The following BSPH1 variants were observed in gnomAD, a reference collection of about 807,000 sequenced individuals.
BSPH1 encodes the protein binder of sperm protein homolog 1, also known as binder of sperm 1.
A neutral mutation model predicts 22.5 loss-of-function variants in BSPH1; 21 were observed. The ratio of observed to expected loss-of-function variants is 0.93; its 90% CI spans 0.66 to 1.35. The LOEUF (loss-of-function observed/expected upper bound fraction) is 1.35, where lower values mean the gene tolerates loss of function less well. BSPH1 is among the 40% of genes most tolerant of loss of function. The probability of loss-of-function intolerance (pLI) is 0.00; values close to 1 mark genes in which losing one functional copy is unlikely to be tolerated. For synonymous variants in BSPH1, 42 were observed against 53.6 expected, an observed-to-expected ratio of 0.78 and a Z score of 0.95; for missense variants, 141 against 154.2, an observed-to-expected ratio of 0.91 and a Z score of 0.45.
intron 5 of BSPH1, among the ~76,000 whole-genome samples, chr19:47,971,468 A>G (rs58880164): frequency 0.099 from 15,130 of 152,228 alleles, 915 homozygotes; most frequent in East Asian, 0.28. Flanking sequence ...GGCCTCCCAA[A>G]GTGCTGGGAT....
intron 1 of BSPH1, among the ~76,000 whole-genome samples, chr19:47,984,975 G>A (rs1325689838): frequency 1.3e-5 from 2 of 151,010 alleles, no homozygotes; most frequent in African/African-American, 4.9e-5. Flanking sequence ...GCTGAGGCAG[G>A]AGAATCGCTT....
intron 5 of BSPH1, among the ~76,000 whole-genome samples, chr19:47,969,240 A>G (rs1191942789): frequency 6.6e-6 from 1 of 151,796 alleles, no homozygotes; most frequent in Non-Finnish European, 1.5e-5. Flanking sequence ...GTAAAAACAG[A>G]CTCTTAGGTT....
chr19:47,989,931 C>T (rs1464883669), intron 1 of BSPH1, among the ~76,000 whole-genome samples: 5 of 151,828 alleles, frequency 3.3e-5, no homozygotes, highest in African/African-American at 1.2e-4. Flanking sequence ...CCAGCCTGGC[C>T]AACATGGTGG....
chr19:47,986,613 C>T (rs948887572), intron 1 of BSPH1, among the ~76,000 whole-genome samples: 8 of 151,850 alleles, frequency 5.3e-5, no homozygotes, highest in African/African-American at 1.5e-4. Context: ...GGCATGGTGG[C>T]GTGCACCTGT....
chr19:47,978,817 G>A (rs916283877), intron 3 of BSPH1, among the ~76,000 whole-genome samples: 7 of 152,122 alleles, frequency 4.6e-5, no homozygotes, highest in African/African-American at 9.7e-5. Flanking sequence ...AAACAATTTT[G>A]TTCCTTTTAC....
chr19:47,977,454 A>C lies in BSPH1; in HGVS notation c.175T>G (p.Cys59Gly). The change falls in exon 4 of 6, where the codon TGC (cysteine) becomes GGC (glycine). Residue 59 changes from cysteine to glycine, a missense_variant. Coordinates refer to ENST00000344839, the MANE Select transcript of BSPH1 (RefSeq NM_001128326.2). ...TTGTGTCTTGCCTTGGACTTGATGC[A>C]GTCATAATATGTTCCATTTTTATAG... ...FHYKNGTYYD[C>G]IKSKARHKWC... 1.9e-6 allele frequency: 3 copies of C among 1,551,986 alleles called. No individual in the cohort carries two copies. Among genetic ancestry groups the C allele is most frequent in the Non-Finnish European group, 2.6e-6 (3 of 1,147,060 alleles).
chr19:47,977,302 T>G (rs1402548486), intron 4 of BSPH1, 71 bp downstream of exon 4: 2 of 1,163,136 alleles, frequency 1.7e-6, no homozygotes, highest in African/African-American at 3.1e-5. Context: ...AACCCTCTTG[T>G]GTTTTGCCTC....
At chr19:47,976,036 C>T (rs1969359745) in intron 5 of BSPH1, among the ~76,000 whole-genome samples, 2 of 152,306 alleles carry the variant, frequency 1.3e-5, no homozygotes, top group South Asian at 4.1e-4. Context: ...ATAAAAATTT[C>T]CATGTACACA....
chr19:47,979,148 TTCC>T (rs752475796), intron 3 of BSPH1, among the ~76,000 whole-genome samples: 7 of 152,056 alleles, frequency 4.6e-5, no homozygotes, highest in Admixed American at 1.3e-4. Flanking sequence ...CTTCTTCTTC[TTCC>T]TCTTCTTCTT....
intron 1 of BSPH1, among the ~76,000 whole-genome samples, chr19:47,983,569 C>T (rs1477238175): frequency 1.3e-5 from 2 of 152,108 alleles, no homozygotes; most frequent in African/African-American, 2.4e-5. Context: ...GCACCATCCT[C>T]GGTGCTATAA....
Position 47,979,560 on chromosome 19 carries a change from A to T in BSPH1, c.124+10T>A. ...ATACATTAATAATCAAAGTTTTCTG[A>T]TCGACTTACCTGTAACTTCTGGAAA... On this transcript the variant is annotated intron_variant, in intron 3 of 5. Transcript: ENST00000344839. 1 of 1,302,904 alleles carries T rather than the reference A, an allele frequency of 7.7e-7. No individual in the cohort carries two copies. The highest frequency in any genetic ancestry group is 1.0e-6 in the Non-Finnish European group (1 of 957,794). 80.7% of individuals were successfully genotyped at this position (1,302,904 alleles called of 1,614,324 possible).
intron 1 of BSPH1, among the ~76,000 whole-genome samples, chr19:47,986,158 T>C (rs1006641414): frequency 4.6e-5 from 7 of 152,170 alleles, no homozygotes; most frequent in Admixed American, 6.5e-5. Flanking sequence ...AGTCCTACGA[T>C]CCTAACTTGG....
chr19:47,969,630 C>G (rs1006367579), intron 5 of BSPH1, among the ~76,000 whole-genome samples: 13 of 145,976 alleles, frequency 8.9e-5, no homozygotes, highest in African/African-American at 3.1e-4. Context: ...CTTAAGAACC[C>G]TAAGGAACAG....
At chr19:47,979,842 A>G (rs1969401769) in intron 2 of BSPH1, among the ~76,000 whole-genome samples, 3 of 152,068 alleles carry the variant, frequency 2.0e-5, no homozygotes, top group African/African-American at 7.2e-5. Flanking sequence ...ATTTAATTCC[A>G]AAGTGCTTTT....
At chr19:47,973,165 C>A (rs548902381) in intron 5 of BSPH1, among the ~76,000 whole-genome samples, 1 of 150,702 alleles carries the variant, frequency 6.6e-6, no homozygotes, top group South Asian at 2.1e-4. Context: ...TGCAGTGAGC[C>A]GAGATCGCGC....
At chr19:47,986,618 A>T (rs1167898938) in intron 1 of BSPH1, among the ~76,000 whole-genome samples, 5 of 151,954 alleles carry the variant, frequency 3.3e-5, no homozygotes, top group Admixed American at 2.0e-4. Context: ...GGTGGCGTGC[A>T]CCTGTAGTCC....
intron 1 of BSPH1, among the ~76,000 whole-genome samples, chr19:47,989,682 G>A (rs1384958052): frequency 2.0e-5 from 3 of 152,060 alleles, no homozygotes; most frequent in Non-Finnish European, 4.4e-5. Context: ...ATGTCTATGA[G>A]TTCCCACCTT....
rs199765512 is a variant in BSPH1, at chr19:47,973,239, T to A, written c.*2+3471A>T. On this transcript the variant is annotated intron_variant, in intron 5 of 5. Coordinates refer to ENST00000344839, the MANE Select transcript of BSPH1 (RefSeq NM_001128326.2). ...CTCAAAATAATAATAATAATAATAA[T>A]AATAATAATAATAATAATAATAATG... 6.9e-3 allele frequency among the ~76,000 whole-genome samples: 823 copies of A among 119,102 alleles called. 12 individuals are homozygous for A. The highest frequency in any genetic ancestry group is 0.025 in the African/African-American group (789 of 31,428). The allele number at this position is 119,102 out of a possible 152,430, so 78.1% of individuals were successfully genotyped here. A position where few individuals can be genotyped will look rare whatever the true frequency, so the allele number is the denominator to read the frequency against.
chr19:47,971,510 TTCTG>T (rs1969311552), intron 5 of BSPH1, among the ~76,000 whole-genome samples: 1 of 152,212 alleles, frequency 6.6e-6, no homozygotes, highest in South Asian at 2.1e-4. Context: ...CCAGCCTGTA[TTCTG>T]TCTTTTAAAA....
Sources: allele counts gnomAD v4.1 joint callset (sites outside exome capture counted in the v4.1 genomes callset), GRCh38; gene constraint gnomAD v4.1.1; transcripts MANE v1.5; gene names NCBI Gene and HGNC (gene_info 2026-07-23, HGNC 2026-07-21).